Variants in RTTN observed in about 807,000 individuals in gnomAD.
RTTN encodes the protein rotatin.
RTTN carries 182 observed loss-of-function variants against 269.2 expected under a neutral mutation model. The ratio of observed to expected loss-of-function variants is 0.68; its 90% confidence interval spans 0.60 to 0.76. The LOEUF (loss-of-function observed/expected upper bound fraction) is 0.76, where lower values mean the gene tolerates loss of function less well. Ranked by LOEUF, RTTN falls within the 30% of genes least tolerant of loss-of-function variation. The pLI is 0.00. For synonymous variants in RTTN, 1,006 were observed against 963.5 expected (o/e 1.04, Z -0.82); for missense variants, 2,545 against 2,608.6 (o/e 0.98, Z 0.53).
intron 34 of RTTN, among the ~76,000 whole-genome samples, chr18:70,068,576 A>G (rs1020320351): frequency 6.6e-6 from 1 of 152,134 alleles, no homozygotes; most frequent in Non-Finnish European, 1.5e-5. Context: ...CAGCTGCCCC[A>G]TCCCAGGTGA....
Position 70,134,540 on chromosome 18 carries a change from A to C in RTTN, c.2887T>G (p.Ser963Ala). Residue 963 changes from serine to alanine, a missense_variant and splice_region_variant, in exon 23 of 49, where the codon TCT (serine) becomes GCT (alanine). Transcript: ENST00000640769. ...FDEVSRMDMW[S>A]VNPSNKPSLP... Reference sequence around the variant, plus strand: ...GAAGGTTTATTGGAAGGATTAACAGACCTATTTCATAAAAGAAAAACAAAA... The same window carrying C: ...GAAGGTTTATTGGAAGGATTAACAGCCCTATTTCATAAAAGAAAAACAAAA... The C allele has an allele frequency of 1.3e-6, 2 of 1,599,748 alleles. No homozygotes were observed. The highest frequency in any genetic ancestry group is 1.7e-6 in the Non-Finnish European group (2 of 1,174,732).
chr18:70,176,706 C>T lies in RTTN; in HGVS notation c.1445G>A (p.Arg482Gln), dbSNP rs1043313827. 5 of 1,613,610 alleles carry T rather than the reference C, an allele frequency of 3.1e-6. 1 individual carries two copies. The South Asian group carries it at 4.4e-5, about 14-fold the overall frequency. ...AACAGGGAGAAGCGTTTGTAGCAGT[C>T]GAACTGCAAACAGGGAAATGCTGAT... ...AFISISLFAV[R>Q]LLQTLLPVEK... The change falls in exon 11 of 49, where the codon CGA becomes CAA. Residue 482 changes from arginine (R) to glutamine (Q), a missense_variant. Transcript: ENST00000640769.
chr18:70,111,939 CAG>C (rs1364830464), intron 27 of RTTN, among the ~76,000 whole-genome samples: 5 of 152,192 alleles, frequency 3.3e-5, no homozygotes, highest in African/African-American at 1.2e-4. Context: ...GGAAGCCCAT[CAG>C]ACTAACAGCA....
intron 35 of RTTN, among the ~76,000 whole-genome samples, chr18:70,063,974 T>TC (rs558632260): frequency 6.6e-6 from 1 of 150,498 alleles, no homozygotes; most frequent in African/African-American, 2.4e-5. Context: ...GCTTTTTTTT[T>TC]TTTTTTTGGT....
chr18:70,037,814 C>G (rs1257794705), intron 40 of RTTN, among the ~76,000 whole-genome samples: 1 of 152,196 alleles, frequency 6.6e-6, no homozygotes, highest in Non-Finnish European at 1.5e-5. Flanking sequence ...CTCTTGGGCT[C>G]CCTGAATCCA....
intron 26 of RTTN, among the ~76,000 whole-genome samples, chr18:70,121,207 A>G (rs2059729135): frequency 6.6e-6 from 1 of 152,120 alleles, no homozygotes; most frequent in Non-Finnish European, 1.5e-5. Flanking sequence ...TCCTGCCTCC[A>G]TCTGGCTTTG....
chr18:70,126,261 CT>C (rs771590287), intron 25 of RTTN, among the ~76,000 whole-genome samples: 19 of 152,060 alleles, frequency 1.2e-4, no homozygotes, highest in Non-Finnish European at 2.5e-4. Flanking sequence ...AGAAAGAAAA[CT>C]TAGTGCAATG....
At chr18:70,153,034 C>G (rs1331383468) in intron 14 of RTTN, among the ~76,000 whole-genome samples, 3 of 152,124 alleles carry the variant, frequency 2.0e-5, no homozygotes, top group African/African-American at 7.2e-5. Context: ...GTGAAACACG[C>G]AAAGTACATT....
At chr18:70,179,463 A>G (rs1398339844) in intron 10 of RTTN, among the ~76,000 whole-genome samples, 1 of 152,232 alleles carries the variant, frequency 6.6e-6, no homozygotes. Flanking sequence ...TCTTCTAAGC[A>G]TAAAAAAAAT....
intron 14 of RTTN, among the ~76,000 whole-genome samples, chr18:70,154,097 A>G (rs1057119230): frequency 1.3e-5 from 2 of 152,184 alleles, no homozygotes; most frequent in Non-Finnish European, 2.9e-5. Context: ...AAAATGTATG[A>G]CACTTGGTTA....
chr18:70,012,298 C>G (rs1241691632), intron 46 of RTTN, among the ~76,000 whole-genome samples: 3 of 140,048 alleles, frequency 2.1e-5, no homozygotes, highest in African/African-American at 8.0e-5. Flanking sequence ...GTATTAGTTA[C>G]AGGGCAGCGT....
chr18:70,075,171 CAA>C (rs2058394176), intron 33 of RTTN, 179 bp downstream of exon 33: 1 of 461,474 alleles, frequency 2.2e-6, no homozygotes, highest in Non-Finnish European at 3.8e-6. Flanking sequence ...ATAAAACAAA[CAA>C]AGGCTATACA....
In RTTN at chr18:70,005,198, T is replaced by G; in HGVS notation, c.6595A>C (p.Thr2199Pro). ...VDEAYSLAKK[T>P]FPNSEANPLN... ...TAATCTCTTTCTTATTGCAACTTAC[T>G]TTTCTTTGCTAAGGAGTATGCTTCA... is the stretch of plus-strand genomic sequence containing the variant. The change falls in exon 48 of 49, where the codon ACT (threonine) becomes CCT (proline). Residue 2199 changes from threonine (T) to proline (P), a missense_variant and splice_region_variant. Coordinates refer to ENST00000640769, the MANE Select transcript of RTTN (RefSeq NM_173630.4). The G allele has an allele frequency of 6.2e-7, 1 of 1,603,566 alleles. No individual in the cohort carries two copies. The highest frequency in any genetic ancestry group is 8.5e-7 in the Non-Finnish European group (1 of 1,174,554).
At position 70,020,778 on chromosome 18, in the gene RTTN, G is replaced by C. The variant is rs540069928; in HGVS notation, c.5990C>G (p.Pro1997Arg). ...GGCTCCTCTATGTGTAGCTTGAACA[G>C]GGTGTTGTCCACAACTTGACCAACA... Reference protein sequence around the residue: ...SLCWSSCGQHPVQATHRGAVS... With the variant: ...SLCWSSCGQHRVQATHRGAVS... The change falls in exon 45 of 49, where the codon CCT becomes CGT. Residue 1997 changes from proline to arginine, a missense_variant. By Grantham distance (103) the Pro-to-Arg change is moderately radical. Coordinates refer to ENST00000640769, the MANE Select transcript of RTTN (RefSeq NM_173630.4). 3.7e-5 allele frequency: 59 copies of C among 1,613,878 alleles called. No individual in the cohort carries two copies. The highest frequency in any genetic ancestry group is 3.5e-4 in the South Asian group (32 of 91,062).
chr18:70,067,214 C>T (rs1244942266), intron 34 of RTTN, among the ~76,000 whole-genome samples: 12 of 149,190 alleles, frequency 8.0e-5, no homozygotes, highest in African/African-American at 2.7e-4. Flanking sequence ...GGCTGGAGTG[C>T]AGTGGCACGA....
At chr18:70,023,054 G>C (rs1313085290) in intron 44 of RTTN, among the ~76,000 whole-genome samples, 1 of 152,096 alleles carries the variant, frequency 6.6e-6, no homozygotes, top group African/African-American at 2.4e-5. Flanking sequence ...AGAGCTAGGA[G>C]TGCTGTTCAG....
intron 11 of RTTN, among the ~76,000 whole-genome samples, chr18:70,172,992 T>A (rs1267999231): frequency 6.6e-6 from 1 of 152,214 alleles, no homozygotes; most frequent in African/African-American, 2.4e-5. Context: ...AATTCTTCCA[T>A]TCTTGATGCT....
chr18:70,092,329 A>G, intron 29 of RTTN, 109 bp from the exon 30 acceptor site: 1 of 763,872 alleles, frequency 1.3e-6, no homozygotes. Context: ...AATGTATTTT[A>G]GACTTGGTTT....
At chr18:70,149,614 T>G (rs2060486589) in intron 16 of RTTN, among the ~76,000 whole-genome samples, 1 of 151,582 alleles carries the variant, frequency 6.6e-6, no homozygotes, top group Non-Finnish European at 1.5e-5. Flanking sequence ...TATGCATGGA[T>G]AGAACTCATG....
Sources: gnomAD v4.1 joint callset for allele counts (sites outside exome capture counted in the v4.1 genomes callset) on GRCh38, gnomAD v4.1.1 for gene constraint, MANE v1.5 for transcripts, NCBI Gene and HGNC (gene_info 2026-07-23, HGNC 2026-07-21) for gene names.